Variants in RARS2 observed in about 807,000 individuals in gnomAD.
RARS2 encodes the protein arginyl-tRNA synthetase 2, mitochondrial.
In RARS2, 67 loss-of-function variants were observed where a neutral mutation model predicts 88.5. The ratio of observed to expected loss-of-function variants is 0.76; its 90% confidence interval spans 0.62 to 0.93. RARS2 has a LOEUF of 0.93. Ranked by LOEUF, RARS2 falls within the 40% of genes least tolerant of loss-of-function variation. The pLI, the probability that RARS2 is intolerant of heterozygous loss-of-function variation, is 0.00. For missense variants in RARS2, 664 were observed against 684.2 expected, an observed-to-expected ratio of 0.97 and a Z score of 0.33; for synonymous variants, 239 against 230.3, an observed-to-expected ratio of 1.04 and a Z score of -0.34.
intron 5 of RARS2, 116 bp downstream of exon 5, chr6:87,555,292 A>G: frequency 1.4e-6 from 1 of 736,134 alleles, no homozygotes; most frequent in Non-Finnish European, 2.4e-6. Flanking sequence ...ACATAATTGC[A>G]CTGGTTTTCA....
At chr6:87,526,894 C>T (rs1370975261) in intron 10 of RARS2, among the ~76,000 whole-genome samples, 1 of 151,934 alleles carries the variant, frequency 6.6e-6, no homozygotes, top group Non-Finnish European at 1.5e-5. Flanking sequence ...TGGTCTTGAA[C>T]TCCCAACCTC....
chr6:87,572,086 G>A (rs890034293), intron 1 of RARS2, among the ~76,000 whole-genome samples: 1 of 107,856 alleles, frequency 9.3e-6, no homozygotes, highest in Admixed American at 1.2e-4. Context: ...AGGTTCTATC[G>A]TAATTTCTCA....
At chr6:87,529,481 T>C in intron 10 of RARS2, 61 bp downstream of exon 10, 2 of 1,061,536 alleles carry the variant, frequency 1.9e-6, no homozygotes, top group East Asian at 4.7e-5. Context: ...ACTCAAAGGA[T>C]ACATCAATAA....
At chr6:87,548,695 T>G (rs768624118) in intron 5 of RARS2, 49 bp from the exon 6 acceptor site, 14 of 1,552,214 alleles carry the variant, frequency 9.0e-6, no homozygotes, top group Non-Finnish European at 1.2e-5. Flanking sequence ...TTAAGACTTC[T>G]AAGAATCAAC....
intron 8 of RARS2, among the ~76,000 whole-genome samples, chr6:87,539,177 CA>C (rs1185601844): frequency 3.9e-5 from 6 of 152,152 alleles, no homozygotes; most frequent in Non-Finnish European, 8.8e-5. Context: ...GAATAACTCT[CA>C]CATGTCATGC....
chr6:87,530,570 G>T (rs990724830), intron 9 of RARS2, among the ~76,000 whole-genome samples: 2 of 152,048 alleles, frequency 1.3e-5, no homozygotes, highest in Admixed American at 1.3e-4. Context: ...GAACAGAAAA[G>T]TCAGATAAAA....
chr6:87,579,705 C>A (rs1582862372), intron 1 of RARS2, among the ~76,000 whole-genome samples: 1 of 135,164 alleles, frequency 7.4e-6, no homozygotes, highest in African/African-American at 2.8e-5. Flanking sequence ...AGCCACCGAG[C>A]ATAGAGCATG....
intron 2 of RARS2, among the ~76,000 whole-genome samples, chr6:87,568,358 G>C (rs1255543893): frequency 1.3e-5 from 2 of 152,144 alleles, no homozygotes; most frequent in African/African-American, 4.8e-5. Context: ...ATGTCAGCCA[G>C]GCATAGTGGC....
intron 4 of RARS2, among the ~76,000 whole-genome samples, chr6:87,555,721 C>G (rs1785655968): frequency 6.6e-6 from 1 of 152,144 alleles, no homozygotes; most frequent in Admixed American, 6.6e-5. Flanking sequence ...GTTCTGTGCC[C>G]TTTTATACTC....
chr6:87,565,384 G>GA (rs535297499), intron 2 of RARS2, among the ~76,000 whole-genome samples: 10 of 150,378 alleles, frequency 6.6e-5, no homozygotes, highest in East Asian at 5.8e-4. Context: ...CTGGGTAGGT[G>GA]AAAAAAAAAT....
At chr6:87,536,637 GAA>G (rs11459821) in intron 8 of RARS2, among the ~76,000 whole-genome samples, 7 of 106,870 alleles carry the variant, frequency 6.6e-5, no homozygotes, top group East Asian at 2.8e-4. Flanking sequence ...ACCCCATCAC[GAA>G]AAAAAAAAAA....
At chr6:87,538,842 TG>T (rs1288439592) in intron 8 of RARS2, among the ~76,000 whole-genome samples, 1 of 152,116 alleles carries the variant, frequency 6.6e-6, no homozygotes, top group Non-Finnish European at 1.5e-5. Flanking sequence ...GAGACCAGCC[TG>T]GGCAACATAG....
intron 7 of RARS2, among the ~76,000 whole-genome samples, chr6:87,545,163 A>C (rs1240594509): frequency 6.6e-6 from 1 of 152,224 alleles, no homozygotes; most frequent in Admixed American, 6.5e-5. Flanking sequence ...AGTGGACTGC[A>C]GTCTTGACCT....
intron 1 of RARS2, among the ~76,000 whole-genome samples, chr6:87,589,526 A>G (rs1345613678): frequency 6.6e-6 from 1 of 152,166 alleles, no homozygotes; most frequent in African/African-American, 2.4e-5. Context: ...CAAGAGAAAT[A>G]AGCAGCTTTA....
At chr6:87,516,996 T>C in intron 17 of RARS2, 116 bp from the exon 18 acceptor site, 2 of 1,474,424 alleles carry the variant, frequency 1.4e-6, no homozygotes, top group South Asian at 2.4e-5. Flanking sequence ...GTAGAAGGTA[T>C]GGCCAGGCGC....
intron 4 of RARS2, among the ~76,000 whole-genome samples, chr6:87,558,139 T>C (rs1189304659): frequency 6.6e-6 from 1 of 151,048 alleles, no homozygotes; most frequent in African/African-American, 2.4e-5. Context: ...ATCACGCCAT[T>C]GCACTCCAGC....
intron 1 of RARS2, among the ~76,000 whole-genome samples, chr6:87,571,435 C>T (rs1221804700): frequency 6.6e-6 from 1 of 152,094 alleles, no homozygotes; most frequent in East Asian, 1.9e-4. Flanking sequence ...GACTAATACA[C>T]ATATGTATAT....
chr6:87,539,630 A>T (rs2128100438), intron 8 of RARS2, among the ~76,000 whole-genome samples: 1 of 152,274 alleles, frequency 6.6e-6, no homozygotes, highest in South Asian at 2.1e-4. Flanking sequence ...CAAATACAGA[A>T]TGTGAGGTTC....
chr6:87,539,977 T>C (rs1425520292), intron 8 of RARS2, among the ~76,000 whole-genome samples: 2 of 152,134 alleles, frequency 1.3e-5, no homozygotes, highest in Non-Finnish European at 2.9e-5. Context: ...TAAGGGAACA[T>C]ACTTTATAGA....
Sources: gnomAD v4.1 joint callset for allele counts (sites outside exome capture counted in the v4.1 genomes callset) on GRCh38, gnomAD v4.1.1 for gene constraint, MANE v1.5 for transcripts, NCBI Gene and HGNC (gene_info 2026-07-23, HGNC 2026-07-21) for gene names.